AAMDC: variants seen among roughly 807,000 people sequenced by gnomAD.
AAMDC encodes adipogenesis associated Mth938 domain containing, also known as mth938 domain-containing protein.
A neutral mutation model predicts 15.5 loss-of-function variants in AAMDC; 16 were observed. The observed-to-expected ratio is 1.03, with a 90% confidence interval of 0.70 to 1.57. The LOEUF is 1.57. Ranked by LOEUF, AAMDC falls within the 40% of genes most tolerant of loss-of-function variation. The pLI is 0.00. For synonymous variants in AAMDC, 51 were observed against 51.6 expected, an observed-to-expected ratio of 0.99 and a Z score of 0.05; for missense variants, 141 against 144.9, an observed-to-expected ratio of 0.97 and a Z score of 0.14.
At chr11:77,841,035 GTCCAA>G in intron 1 of AAMDC, 1 of 582,100 alleles carries the variant, frequency 1.7e-6, no homozygotes, top group South Asian at 2.3e-5. Context: ...AGGCTGGGAA[GTCCAA>G]GACCAGTTGG....
chr11:77,893,702 G>C (rs1332807874), intron 5 of AAMDC, among the ~76,000 whole-genome samples: 1 of 152,004 alleles, frequency 6.6e-6, no homozygotes, highest in African/African-American at 2.4e-5. Flanking sequence ...AGACCAGCCT[G>C]GCCAACATGA....
chr11:77,896,239 A>T (rs1475765709), intron 5 of AAMDC, among the ~76,000 whole-genome samples: 5 of 152,230 alleles, frequency 3.3e-5, no homozygotes, highest in Non-Finnish European at 5.9e-5. Context: ...AAAAGGAAAA[A>T]AATAGTAGAG....
intron 5 of AAMDC, among the ~76,000 whole-genome samples, chr11:77,881,540 G>T (rs552453894): frequency 6.6e-6 from 1 of 152,324 alleles, no homozygotes; most frequent in South Asian, 2.1e-4. Flanking sequence ...AGGTATGTGG[G>T]CCTCCATTTA....
chr11:77,860,400 A>C (rs1200343698), intron 2 of AAMDC, among the ~76,000 whole-genome samples: 1 of 152,240 alleles, frequency 6.6e-6, no homozygotes, highest in Admixed American at 6.5e-5. Flanking sequence ...TGGGCTGGGT[A>C]CATTCCTCAC....
intron 2 of AAMDC, among the ~76,000 whole-genome samples, chr11:77,857,130 T>C (rs565378134): frequency 2.0e-5 from 3 of 152,334 alleles, no homozygotes; most frequent in Admixed American, 1.3e-4. Flanking sequence ...ATAAATCACC[T>C]TTTCTGCCTT....
intron 5 of AAMDC, among the ~76,000 whole-genome samples, chr11:77,886,786 T>C (rs1230107347): frequency 6.6e-6 from 1 of 152,118 alleles, no homozygotes. Flanking sequence ...CAGGCCTTGC[T>C]AAGAAACTCA....
intron 2 of AAMDC, among the ~76,000 whole-genome samples, chr11:77,856,942 GGACA>G (rs895806206): frequency 3.9e-5 from 6 of 152,158 alleles, no homozygotes; most frequent in African/African-American, 1.4e-4. Flanking sequence ...AAGAATGAAA[GGACA>G]GACTGGTGAT....
At chr11:77,841,362 G>T in intron 1 of AAMDC, 4 of 587,358 alleles carry the variant, frequency 6.8e-6, no homozygotes, top group Admixed American at 2.7e-5. Context: ...TCTCTGTTCT[G>T]TTAGAGTTTT....
At chr11:77,894,481 A>G in intron 5 of AAMDC, 1 of 542,422 alleles carries the variant, frequency 1.8e-6, no homozygotes. Context: ...TCTAAAAGTA[A>G]CAGAAGACTC....
intron 5 of AAMDC, among the ~76,000 whole-genome samples, chr11:77,892,735 A>G (rs1952330051): frequency 6.6e-6 from 1 of 151,934 alleles, no homozygotes; most frequent in South Asian, 2.1e-4. Flanking sequence ...GCTGCCCACC[A>G]CCACGCCCTA....
rs768496944 is a variant in AAMDC at position 77,891,428 on chromosome 11, G to A, written c.329-9143G>A. On this transcript the variant is annotated intron_variant, in intron 5 of 5. Coordinates refer to the AAMDC transcript ENST00000304716. ...CCGCAAAGGGTTGTCTGACTCGCCC[G>A]CTGGCTCGATGATGGTGGCTGAGGC... The A allele has an allele frequency of 4.9e-5, 79 of 1,613,594 alleles. No homozygotes were observed. The highest frequency in any genetic ancestry group is 6.1e-5 in the Non-Finnish European group (72 of 1,179,750).
chr11:77,891,246 C>T (rs532771795), intron 5 of AAMDC: 5 of 1,432,970 alleles, frequency 3.5e-6, no homozygotes, highest in Non-Finnish European at 4.8e-6. Context: ...GTAGAGACTA[C>T]AGGGGTGCTA....
intron 1 of AAMDC, among the ~76,000 whole-genome samples, chr11:77,829,435 G>A (rs2136059969): frequency 6.6e-6 from 1 of 152,300 alleles, no homozygotes; most frequent in Admixed American, 6.5e-5. Context: ...GAACAGAATG[G>A]AGACTCACAT....
At chr11:77,843,825 A>T (rs2136145553) in intron 2 of AAMDC, among the ~76,000 whole-genome samples, 1 of 152,274 alleles carries the variant, frequency 6.6e-6, no homozygotes, top group African/African-American at 2.4e-5. Context: ...ATGGACTTAC[A>T]GTTCCACATG....
intron 1 of AAMDC, among the ~76,000 whole-genome samples, chr11:77,822,414 C>CAAAAAAA (rs66463325): frequency 4.0e-5 from 3 of 74,764 alleles, no homozygotes; most frequent in African/African-American, 5.0e-5. Flanking sequence ...GACTCCACCT[C>CAAAAAAA]AAAAAAAAAA....
chr11:77,868,778 A>AGT, intron 2 of AAMDC: 1 of 238,222 alleles, frequency 4.2e-6, no homozygotes, highest in South Asian at 7.7e-5. Flanking sequence ...GTTCTTACAC[A>AGT]GTGTGCTTCT....
At chr11:77,884,268 A>ACTCC (rs1951903866) in intron 5 of AAMDC, among the ~76,000 whole-genome samples, 1 of 151,958 alleles carries the variant, frequency 6.6e-6, no homozygotes, top group South Asian at 2.1e-4. Flanking sequence ...CCAGAAGAGC[A>ACTCC]CTCCCTCCCT....
intron 1 of AAMDC, among the ~76,000 whole-genome samples, chr11:77,840,390 A>G (rs1439787181): frequency 6.6e-6 from 1 of 152,070 alleles, no homozygotes; most frequent in African/African-American, 2.4e-5. Flanking sequence ...TTAGCCGGGC[A>G]TGGTAGCACA....
At chr11:77,892,826 A>C (rs1591017152) in intron 5 of AAMDC, among the ~76,000 whole-genome samples, 1 of 151,912 alleles carries the variant, frequency 6.6e-6, no homozygotes, top group Non-Finnish European at 1.5e-5. Flanking sequence ...CTCGTGATCC[A>C]CCCGCCTCAG....
Sources: allele counts gnomAD v4.1 joint callset (sites outside exome capture counted in the v4.1 genomes callset), GRCh38; gene constraint gnomAD v4.1.1; transcripts MANE v1.5; gene names NCBI Gene and HGNC (gene_info 2026-07-23, HGNC 2026-07-21).